The following CRISP3 variants were observed in gnomAD, a reference collection of about 807,000 sequenced individuals.
CRISP3 encodes the protein cysteine-rich secretory protein 3.
CRISP3 carries 33 observed loss-of-function variants against 36.1 expected under a neutral mutation model. That is an observed-to-expected ratio of 0.91 (90% confidence interval 0.69 to 1.22). CRISP3 has a LOEUF of 1.22. Ranked by LOEUF, CRISP3 falls within the 50% of genes most tolerant of loss-of-function variation. The pLI is 0.00. For missense variants in CRISP3, 330 were observed against 301.2 expected (o/e 1.10, Z -0.71); for synonymous variants, 117 against 104.6 (o/e 1.12, Z -0.72).
At position 49,733,805 on chromosome 6, in the gene CRISP3, G is replaced by A. The variant is rs1409992066; in HGVS notation, c.360C>T (p.Ser120=). 6.2e-7 allele frequency: 1 copy of A among 1,613,830 alleles called. No individual in the cohort carries two copies. Among genetic ancestry groups the A allele is most frequent in the South Asian group, 1.1e-5 (1 of 91,066 alleles). Reference sequence around the variant, plus strand: ...AGCTTTGGATTGCTTGTGACCATGAGCTGGAGGCACTTGACATGTAGAGAT... The same window carrying A: ...AGCTTTGGATTGCTTGTGACCATGAACTGGAGGCACTTGACATGTAGAGAT... The part of the protein sequence containing the change: ...GENLYMSSAS[S]SWSQAIQSWF... Residue 120 remains serine (S), a synonymous_variant, in exon 5 of 8, where the codon AGC becomes AGT. Transcript: ENST00000263045.
At chr6:49,744,207 A>G (rs1769276305) in intron 1 of CRISP3, 124 bp downstream of exon 1, 1 of 646,188 alleles carries the variant, frequency 1.5e-6, no homozygotes, top group Non-Finnish European at 2.4e-6. Flanking sequence ...AAAGTTATCA[A>G]TAAACTTTGG....
chr6:49,742,771 T>A (rs1371440813), intron 1 of CRISP3, among the ~76,000 whole-genome samples: 1 of 151,690 alleles, frequency 6.6e-6, no homozygotes, highest in Non-Finnish European at 1.5e-5. Context: ...TAGGAACAGA[T>A]AAATCAACTG....
At chr6:49,736,319 A>G in intron 3 of CRISP3, 72 bp downstream of exon 3, 2 of 927,678 alleles carry the variant, frequency 2.2e-6, no homozygotes, top group Non-Finnish European at 1.7e-6. Context: ...TTATTAAGAG[A>G]TATTAGTTGC....
intron 1 of CRISP3, among the ~76,000 whole-genome samples, chr6:49,742,769 G>C (rs1769240802): frequency 6.6e-6 from 1 of 151,948 alleles, no homozygotes; most frequent in Non-Finnish European, 1.5e-5. Flanking sequence ...TGTAGGAACA[G>C]ATAAATCAAC....
chr6:49,737,466 TG>T (rs3216020), intron 1 of CRISP3, 68 bp from the exon 2 acceptor site: 182,019 of 1,543,422 alleles, frequency 0.12, 11,988 homozygotes, highest in African/African-American at 0.21. Context: ...TTGAGTAACA[TG>T]GGGGTGGGAG....
At chr6:49,730,308 T>C (rs1034549711) in intron 7 of CRISP3, among the ~76,000 whole-genome samples, 15 of 152,040 alleles carry the variant, frequency 9.9e-5, no homozygotes, top group African/African-American at 3.4e-4. Flanking sequence ...TAATACTACA[T>C]ACAGATTTGA....
At chr6:49,742,063 C>G (rs1376342964) in intron 1 of CRISP3, among the ~76,000 whole-genome samples, 1 of 151,492 alleles carries the variant, frequency 6.6e-6, no homozygotes. Flanking sequence ...TGGAAACACT[C>G]AACTAGAATA....
rs1768810932 is a variant in CRISP3, at chr6:49,728,037, T to C, written c.*693A>G. 1 of 152,154 alleles carries C rather than the reference T, an allele frequency of 6.6e-6. No individual in the cohort carries two copies. Among genetic ancestry groups the C allele is most frequent in the African/African-American group, 2.4e-5 (1 of 41,448 alleles). 9.4% of individuals were successfully genotyped at this position (152,154 alleles called of 1,614,324 possible). A position where few individuals can be genotyped will look rare whatever the true frequency, so the allele number is the denominator to read the frequency against. Reference sequence around the variant, plus strand: ...TCCTTGAGTGGAGGGTATTTACCTATATTATCTTGTATTCTTTTTTAAGGA... The same window carrying C: ...TCCTTGAGTGGAGGGTATTTACCTACATTATCTTGTATTCTTTTTTAAGGA... On this transcript the variant is annotated 3_prime_UTR_variant, in exon 8 of 8. Transcript: ENST00000263045.
chr6:49,729,041 CT>C (rs1008395216), intron 7 of CRISP3, among the ~76,000 whole-genome samples, 184 bp from the exon 8 acceptor site: 2 of 151,948 alleles, frequency 1.3e-5, no homozygotes, highest in Admixed American at 1.3e-4. Flanking sequence ...CACGCTGATT[CT>C]TTTTTAAATT....
chr6:49,731,310 A>T (rs41273700), intron 6 of CRISP3, 59 bp from the exon 7 acceptor site: 1,214 of 1,089,708 alleles, frequency 1.1e-3, no homozygotes, highest in Non-Finnish European at 1.5e-3. Context: ...TTTATGTTCC[A>T]AGGTTAGTAT....
At chr6:49,731,053 G>T (rs1253115174) in intron 7 of CRISP3, 110 bp downstream of exon 7, 17 of 734,078 alleles carry the variant, frequency 2.3e-5, no homozygotes, top group Middle Eastern at 2.9e-4. Flanking sequence ...TTTCCTTTTT[G>T]TCCTTTGCAT....
Position 49,731,176 on chromosome 6 carries a change from G to A in CRISP3, c.636C>T (p.Asp212=), listed in dbSNP as rs768358319. 16 of 1,605,614 alleles carry A rather than the reference G, an allele frequency of 1.0e-5. No homozygotes were observed. Among genetic ancestry groups the A allele is most frequent in the East Asian group, 6.7e-5 (3 of 44,614 alleles). ...APCASCPDNC[D]DGLCTNGCKY... is the part of the protein sequence containing the mutation. ...CTTCAAACTTACTGCATAGTCCATC[G>A]TCACAGTTATCTGGGCAACTGGCAC... The change falls in exon 7 of 8, where the codon GAC becomes GAT. Residue 212 remains aspartate (D), a synonymous_variant. Coordinates refer to ENST00000263045, the MANE Select transcript of CRISP3 (RefSeq NM_006061.4).
Position 49,728,828 on chromosome 6 carries a change from T to G in CRISP3, c.679A>C (p.Ser227Arg). The part of the protein sequence containing the change: ...TNGCKYEDLY[S>R]NCKSLKLTLT... ...GTGAGCTTCAAACTTTTACAGTTAC[T>G]ATAGAGATCTTCGTACTTGCAACCA... The change falls in exon 8 of 8, where the codon AGT becomes CGT. Residue 227 changes from serine to arginine, a missense_variant. Physicochemically the swap from Ser to Arg is moderately radical, Grantham distance 110. Transcript: ENST00000263045. The G allele has an allele frequency of 6.2e-7, 1 of 1,612,232 alleles. No individual in the cohort carries two copies. Among genetic ancestry groups the G allele is most frequent in the Non-Finnish European group, 8.5e-7 (1 of 1,179,046 alleles).
intron 5 of CRISP3, 67 bp from the exon 6 acceptor site, chr6:49,733,359 T>C: frequency 9.5e-7 from 1 of 1,050,678 alleles, no homozygotes; most frequent in South Asian, 1.5e-5. Context: ...AAACAAATAG[T>C]AGGAAATACA....
At chr6:49,743,029 A>G (rs1282718647) in intron 1 of CRISP3, among the ~76,000 whole-genome samples, 1 of 152,228 alleles carries the variant, frequency 6.6e-6, no homozygotes, top group Non-Finnish European at 1.5e-5. Context: ...CTTTATTCTG[A>G]TCACTTTCTT....
chr6:49,727,413 T>C lies in CRISP3; in HGVS notation c.*1317A>G, dbSNP rs1768791400. ...ACACTTTTTATTTTGCATTGCTTTC[T>C]TAGACTTACCGAAAATTTGGTAAGA... On this transcript the variant is annotated 3_prime_UTR_variant, in exon 8 of 8. Coordinates refer to ENST00000263045, the MANE Select transcript of CRISP3 (RefSeq NM_006061.4). 1 of 152,114 alleles carries C rather than the reference T, an allele frequency of 6.6e-6. No individual in the cohort carries two copies. Among genetic ancestry groups the C allele is most frequent in the African/African-American group, 2.4e-5 (1 of 41,452 alleles). The allele number at this position is 152,114 out of a possible 1,614,324, so 9.4% of individuals were successfully genotyped here.
intron 4 of CRISP3, 89 bp from the exon 5 acceptor site, chr6:49,733,937 A>G (rs1319072657): frequency 8.4e-7 from 1 of 1,193,130 alleles, no homozygotes; most frequent in Admixed American, 2.0e-5. Context: ...ACACAGCAGA[A>G]TCCCTGTTTT....
At chr6:49,741,616 T>G (rs1176488922) in intron 1 of CRISP3, among the ~76,000 whole-genome samples, 3 of 145,232 alleles carry the variant, frequency 2.1e-5, no homozygotes, top group African/African-American at 5.2e-5. Context: ...ATGTAGTTTT[T>G]TTTTTTTTTT....
intron 3 of CRISP3, among the ~76,000 whole-genome samples, chr6:49,735,892 T>C (rs1769039174): frequency 6.6e-6 from 1 of 152,182 alleles, no homozygotes; most frequent in Non-Finnish European, 1.5e-5. Context: ...TAAATATTGA[T>C]AAACATGTGG....
Sources: allele counts gnomAD v4.1 joint callset (sites outside exome capture counted in the v4.1 genomes callset), GRCh38; gene constraint gnomAD v4.1.1; transcripts MANE v1.5; gene names NCBI Gene and HGNC (gene_info 2026-07-23, HGNC 2026-07-21).